Variants in HRK observed in about 807,000 individuals in gnomAD.
The protein encoded by HRK is harakiri, BCL2 interacting protein, also known as activator of apoptosis harakiri.
A neutral mutation model predicts 5.9 loss-of-function variants in HRK; 6 were observed. That is an observed-to-expected ratio of 1.02 (90% CI 0.56 to 2.01). HRK has a LOEUF of 2.01. HRK is among the 30% of genes most tolerant of loss of function. The pLI is 0.00. For missense variants in HRK, 133 were observed against 128.3 expected (o/e 1.04, Z -0.18); for synonymous variants, 85 against 65.1 (o/e 1.31, Z -1.47).
rs1432902250 is a variant in HRK, at chr12:116,881,148, C to G, written c.160G>C (p.Ala54Pro). 8.4e-7 allele frequency: 1 copy of G among 1,185,532 alleles called. No individual in the cohort carries two copies. Among genetic ancestry groups the G allele is most frequent in the Non-Finnish European group, 1.0e-6 (1 of 959,946 alleles). The allele number at this position is 1,185,532 out of a possible 1,614,324, so 73.4% of individuals were successfully genotyped here. ...LHQRTMWRRR[A>P]RSRRAPAPGA... ...GGCGCCGGCGCCCTCCGGCTCCGCG[C>G]GCGGCGCCGCCACATGGTGCGCTGG... is the stretch of plus-strand genomic sequence containing the variant. The change falls in exon 1 of 2, where the codon GCG (alanine) becomes CCG (proline). Residue 54 changes from alanine to proline, a missense_variant. Coordinates refer to ENST00000257572, the MANE Select transcript of HRK (RefSeq NM_003806.4).
chr12:116,863,795 C>G (rs1460653315), intron 1 of HRK, among the ~76,000 whole-genome samples: 1 of 151,924 alleles, frequency 6.6e-6, no homozygotes, highest in Non-Finnish European at 1.5e-5. Flanking sequence ...ACCTCCTGAG[C>G]TCAAGCGATC....
intron 1 of HRK, among the ~76,000 whole-genome samples, chr12:116,869,994 C>T (rs563017821): frequency 4.6e-5 from 7 of 152,228 alleles, no homozygotes; most frequent in Non-Finnish European, 7.4e-5. Context: ...GCGGAAGAAT[C>T]GCTTGAACCC....
At chr12:116,873,987 G>T (rs1311468464) in intron 1 of HRK, among the ~76,000 whole-genome samples, 1 of 152,194 alleles carries the variant, frequency 6.6e-6, no homozygotes, top group Admixed American at 6.5e-5. Flanking sequence ...AGTTCTAAGG[G>T]TGATGGAAAC....
chr12:116,869,636 T>A (rs1878674486), intron 1 of HRK: 1 of 152,178 alleles, frequency 6.6e-6, no homozygotes, highest in South Asian at 2.1e-4. Flanking sequence ...AAAATTCATG[T>A]CCCTTTCCAT....
Position 116,859,705 on chromosome 12 carries a change from G to C in HRK, c.*1818C>G, listed in dbSNP as rs1178881899. 1 of 151,262 alleles carries C rather than the reference G, an allele frequency of 6.6e-6. No homozygotes were observed. The highest frequency in any genetic ancestry group is 2.4e-5 in the African/African-American group (1 of 41,208). 9.4% of individuals were successfully genotyped at this position (151,262 alleles called of 1,614,324 possible). On this transcript the variant is annotated 3_prime_UTR_variant, in exon 2 of 2. Coordinates refer to ENST00000257572, the MANE Select transcript of HRK (RefSeq NM_003806.4). ...GGGGAGTCTTCCCTGGCATTCAGCA[G>C]CCCTGGGGTTGCATTTCTCTTTAAA...
Position 116,878,699 on chromosome 12 carries a change from G to A in HRK, c.*56+2277C>T, listed in dbSNP as rs962662947. Among the ~76,000 whole-genome samples the A allele has an allele frequency of 1.6e-4, 25 of 152,176 alleles. No individual in the cohort carries two copies. Among genetic ancestry groups the A allele is most frequent in the African/African-American group, 5.3e-4 (22 of 41,450 alleles). ...GGGAAGCCGAGCGGGGCATCCTGAG[G>A]TCAGGGCGCCAGAGGCTGCAGAACC... On this transcript the variant is annotated intron_variant, in intron 1 of 1. Transcript: ENST00000257572. The surrounding 1 kb of genome is among the most constrained non-coding windows in gnomAD (Gnocchi z 4.4).
intron 1 of HRK, among the ~76,000 whole-genome samples, chr12:116,872,238 C>A (rs892326412): frequency 2.6e-5 from 4 of 152,078 alleles, no homozygotes; most frequent in African/African-American, 9.7e-5. Context: ...GGTGTGGTGG[C>A]AGGCACCTGT....
At position 116,857,073 on chromosome 12, in the gene HRK, T is replaced by C. The variant is rs891150333; in HGVS notation, c.*4450A>G. 6.6e-6 allele frequency: 1 copy of C among 152,202 alleles called. No individual in the cohort carries two copies. The highest frequency in any genetic ancestry group is 1.5e-5 in the Non-Finnish European group (1 of 68,038). 9.4% of individuals were successfully genotyped at this position (152,202 alleles called of 1,614,324 possible). The stretch of plus-strand genomic sequence containing the variant: ...CTTTACCAGATAGCAGGGCTCTCAG[T>C]AAATACTATATAACAATCTGCCAGC... On this transcript the variant is annotated 3_prime_UTR_variant, in exon 2 of 2. Coordinates refer to ENST00000257572, the MANE Select transcript of HRK (RefSeq NM_003806.4).
intron 1 of HRK, among the ~76,000 whole-genome samples, chr12:116,877,939 T>C (rs147195307): frequency 6.2e-4 from 94 of 152,336 alleles, no homozygotes; most frequent in African/African-American, 2.2e-3. Context: ...GGAGTCTCGC[T>C]CTGTCGCCCA....
At position 116,881,269 on chromosome 12, in the gene HRK, C is replaced by T; in HGVS notation, c.39G>A (p.Pro13=). The T allele has an allele frequency of 9.3e-7, 1 of 1,079,446 alleles. No homozygotes were observed. The highest frequency in any genetic ancestry group is 1.1e-6 in the Non-Finnish European group (1 of 892,582). The allele number at this position is 1,079,446 out of a possible 1,614,324, so 66.9% of individuals were successfully genotyped here. The part of the protein sequence containing the change: ...PCPLHRGRGP[P]AVCACSAGRL... ...GACCCGCGCTGCAGGCGCACACGGC[C>T]GGGGGGCCGCGGCCGCGGTGCAGGG... The change falls in exon 1 of 2, where the codon CCG becomes CCA. Residue 13 remains proline, a synonymous_variant. Transcript: ENST00000257572.
rs755149611 is a variant in HRK, at chr12:116,862,132, G to GA, written c.*57-667dup. Among the ~76,000 whole-genome samples the GA allele has an allele frequency of 6.6e-6, 1 of 152,224 alleles. No homozygotes were observed. The highest frequency in any genetic ancestry group is 1.5e-5 in the Non-Finnish European group (1 of 68,044). On this transcript the variant is annotated intron_variant, in intron 1 of 1. Coordinates refer to ENST00000257572, the MANE Select transcript of HRK (RefSeq NM_003806.4). This position sits in a 1 kb window ranked among gnomAD's most constrained non-coding sequence, Gnocchi z 4.0. Reference sequence around the variant, plus strand: ...AGGGAGACAAAGCAGACTCCTCAGAGAGAGTGGCAGGCCCCTGCTGACTAT... The same window carrying GA: ...AGGGAGACAAAGCAGACTCCTCAGAGAAGAGTGGCAGGCCCCTGCTGACTAT...
At chr12:116,864,637 G>A (rs1478829650) in intron 1 of HRK, among the ~76,000 whole-genome samples, 1 of 152,286 alleles carries the variant, frequency 6.6e-6, no homozygotes, top group South Asian at 2.1e-4. Flanking sequence ...ACAGGGAAGC[G>A]TGATGAGCAG....
intron 1 of HRK, among the ~76,000 whole-genome samples, chr12:116,863,698 T>A (rs76849072): frequency 7.8e-6 from 1 of 128,830 alleles, no homozygotes; most frequent in Non-Finnish European, 1.6e-5. Flanking sequence ...AACCTTTTGC[T>A]TTTTTTTTTT....
chr12:116,870,375 G>GT (rs1878703050), intron 1 of HRK, among the ~76,000 whole-genome samples: 1 of 152,164 alleles, frequency 6.6e-6, no homozygotes, highest in Non-Finnish European at 1.5e-5. Context: ...CCCTGAAGTG[G>GT]GGAGAGGCAC....
intron 1 of HRK, among the ~76,000 whole-genome samples, chr12:116,871,949 C>A (rs889897501): frequency 3.3e-5 from 5 of 151,200 alleles, no homozygotes; most frequent in African/African-American, 9.7e-5. Flanking sequence ...GGGGGTCTCA[C>A]TCTGTTGTCT....
intron 1 of HRK, among the ~76,000 whole-genome samples, chr12:116,871,749 TC>T (rs913731959): frequency 6.6e-6 from 1 of 151,206 alleles, no homozygotes; most frequent in Admixed American, 6.6e-5. Flanking sequence ...CATCTCAGCC[TC>T]CCGAGTAGCA....
chr12:116,871,692 T>C (rs966370180), intron 1 of HRK, among the ~76,000 whole-genome samples: 1 of 151,214 alleles, frequency 6.6e-6, no homozygotes, highest in Non-Finnish European at 1.5e-5. Context: ...AGTGGCGTGA[T>C]CACAGCTCAC....
At chr12:116,872,725 C>T (rs913342878) in intron 1 of HRK, among the ~76,000 whole-genome samples, 6 of 151,750 alleles carry the variant, frequency 4.0e-5, no homozygotes, top group Admixed American at 6.6e-5. Flanking sequence ...CAGTGAGCTA[C>T]GATCCTGCTA....
At chr12:116,861,676 G>A (rs533198038) in intron 1 of HRK, among the ~76,000 whole-genome samples, 1 of 152,310 alleles carries the variant, frequency 6.6e-6, no homozygotes, top group South Asian at 2.1e-4. Flanking sequence ...TGTCTATGTA[G>A]CAGCCTTCCC....
Sources: gnomAD v4.1 joint callset for allele counts (sites outside exome capture counted in the v4.1 genomes callset) on GRCh38, gnomAD v4.1.1 for gene constraint, Gnocchi (gnomAD v3.1) non-coding constraint, MANE v1.5 for transcripts, NCBI Gene and HGNC (gene_info 2026-07-23, HGNC 2026-07-21) for gene names.